Variants in ANO2 observed in about 807,000 individuals in gnomAD.
The protein encoded by ANO2 is anoctamin 2.
In ANO2, 101 loss-of-function variants were observed where a neutral mutation model predicts 124.2. That is an observed-to-expected ratio of 0.81 (90% CI 0.69 to 0.96). The LOEUF (loss-of-function observed/expected upper bound fraction) is 0.96. Ranked by LOEUF, ANO2 falls within the 40% of genes least tolerant of loss-of-function variation. The probability of loss-of-function intolerance (pLI) is 0.00; values close to 1 mark genes in which losing one functional copy is unlikely to be tolerated. For synonymous variants in ANO2, 486 were observed against 482.5 expected, an observed-to-expected ratio of 1.01 and a Z score of -0.09; for missense variants, 1,293 against 1,274.5, an observed-to-expected ratio of 1.01 and a Z score of -0.22.
At chr12:5,570,339 G>A (rs1942031138) in intron 23 of ANO2, among the ~76,000 whole-genome samples, 1 of 152,152 alleles carries the variant, frequency 6.6e-6, no homozygotes, top group Non-Finnish European at 1.5e-5. Context: ...CTGTTGGAAG[G>A]ATGCCTGGGG....
At chr12:5,796,036 G>C (rs1471210191) in intron 10 of ANO2, among the ~76,000 whole-genome samples, 1 of 152,094 alleles carries the variant, frequency 6.6e-6, no homozygotes, top group Admixed American at 6.5e-5. Flanking sequence ...CTGCTGGCTG[G>C]AAGTGCCCAG....
chr12:5,931,415 G>C (rs1942376239), intron 1 of ANO2, among the ~76,000 whole-genome samples: 1 of 151,988 alleles, frequency 6.6e-6, no homozygotes, highest in African/African-American at 2.4e-5. Context: ...ATAAAACATT[G>C]GGAATTAAAG....
At chr12:5,822,525 C>T (rs935770340) in intron 7 of ANO2, among the ~76,000 whole-genome samples, 1 of 152,230 alleles carries the variant, frequency 6.6e-6, no homozygotes, top group Non-Finnish European at 1.5e-5. Context: ...TGGACTTCCA[C>T]TCACCAAGGC....
chr12:5,886,819 TAAGTG>T (rs1401954112), intron 3 of ANO2, among the ~76,000 whole-genome samples: 1 of 152,208 alleles, frequency 6.6e-6, no homozygotes, highest in African/African-American at 2.4e-5. Flanking sequence ...GACATTATGT[TAAGTG>T]AAATAAAAGG....
chr12:5,840,320 T>C (rs762334705), intron 4 of ANO2, among the ~76,000 whole-genome samples: 7 of 152,242 alleles, frequency 4.6e-5, no homozygotes, highest in Non-Finnish European at 8.8e-5. Flanking sequence ...AGGGGTTTAC[T>C]GTCTTTTCTT....
At chr12:5,840,231 T>G (rs77734959) in intron 4 of ANO2, among the ~76,000 whole-genome samples, 346 of 152,278 alleles carry the variant, frequency 2.3e-3, no homozygotes, top group African/African-American at 8.1e-3. Context: ...ATTTTTAAAA[T>G]ATGTTGCTGT....
At chr12:5,570,273 T>C (rs933416707) in intron 23 of ANO2, among the ~76,000 whole-genome samples, 1 of 152,182 alleles carries the variant, frequency 6.6e-6, no homozygotes, top group Admixed American at 6.5e-5. Context: ...GTTAATACTA[T>C]GTTAATGCAT....
At chr12:5,587,559 G>C (rs1368065103) in intron 20 of ANO2, among the ~76,000 whole-genome samples, 3 of 152,188 alleles carry the variant, frequency 2.0e-5, no homozygotes, top group Non-Finnish European at 4.4e-5. Context: ...CCCCATTTTG[G>C]GGTAGGGGAC....
intron 1 of ANO2, among the ~76,000 whole-genome samples, chr12:5,930,405 G>A (rs904209446): frequency 1.3e-5 from 2 of 152,128 alleles, no homozygotes; most frequent in African/African-American, 4.8e-5. Context: ...GGGTATAGGG[G>A]GAAGGCCAGC....
chr12:5,795,685 T>C (rs1952823746), intron 10 of ANO2, among the ~76,000 whole-genome samples: 1 of 152,218 alleles, frequency 6.6e-6, no homozygotes, highest in African/African-American at 2.4e-5. Context: ...TAAGACCTAT[T>C]GTTTTGTCTC....
chr12:5,680,911 C>G (rs192471058), intron 14 of ANO2, among the ~76,000 whole-genome samples: 1 of 152,242 alleles, frequency 6.6e-6, no homozygotes, highest in East Asian at 1.9e-4. Flanking sequence ...CAAGGTTAAT[C>G]TTTTATAAGA....
chr12:5,817,413 G>A (rs1307053348), intron 7 of ANO2, among the ~76,000 whole-genome samples: 2 of 152,174 alleles, frequency 1.3e-5, no homozygotes, highest in South Asian at 2.1e-4. Flanking sequence ...TGTGAGACAC[G>A]CAGTGAGGTG....
At chr12:5,812,389 AG>A (rs1953427112) in intron 7 of ANO2, among the ~76,000 whole-genome samples, 1 of 138,426 alleles carries the variant, frequency 7.2e-6, no homozygotes, top group African/African-American at 2.7e-5. Flanking sequence ...GAAAGAAAGA[AG>A]GGAAGGAAGG....
At chr12:5,615,496 A>AT (rs1004310367) in intron 16 of ANO2, among the ~76,000 whole-genome samples, 199 bp from the exon 17 acceptor site, 1 of 152,150 alleles carries the variant, frequency 6.6e-6, no homozygotes, top group Non-Finnish European at 1.5e-5. Context: ...TTACAGAAGG[A>AT]TAAAAAATAT....
intron 3 of ANO2, among the ~76,000 whole-genome samples, chr12:5,875,245 C>T (rs566102564): frequency 6.6e-6 from 1 of 152,172 alleles, no homozygotes; most frequent in Non-Finnish European, 1.5e-5. Flanking sequence ...ACCTGTTTCA[C>T]GTCTCACAAC....
At chr12:5,759,549 C>A (rs117860711) in intron 10 of ANO2, among the ~76,000 whole-genome samples, 2,921 of 150,728 alleles carry the variant, frequency 0.019, 44 homozygotes, top group Middle Eastern at 0.031. Flanking sequence ...CCTATCAGAT[C>A]AGCAGCAGCA....
Position 5,612,742 on chromosome 12 carries a change from G to A in ANO2, c.2001C>T (p.Gly667=), listed in dbSNP as rs766179278. The A allele has an allele frequency of 6.2e-7, 1 of 1,613,824 alleles. No individual in the cohort carries two copies. Among genetic ancestry groups the A allele is most frequent in the Non-Finnish European group, 8.5e-7 (1 of 1,179,834 alleles). The change falls in exon 19 of 25, where the codon GGC becomes GGT. Residue 667 remains glycine (G), a synonymous_variant. Transcript: ENST00000682330. ...GYRMEECAPG[G]CLMELCIQLS... ...GCTGAATGCAGAGCTCCATGAGACA[G>A]CCCCCTGGAGCACACTGCAGGGAGA...
chr12:5,903,675 G>A lies in ANO2; in HGVS notation c.534+17365C>T, dbSNP rs187863599. On this transcript the variant is annotated intron_variant, in intron 3 of 24. Coordinates refer to ENST00000682330, the MANE Select transcript of ANO2 (RefSeq NM_001364791.2). ...TGTGTGTGTGTGTGTGTGTGTGTGT[G>A]TGGGTGTAGACAGCAAGGTCTGTGC... 1.6e-3 allele frequency among the ~76,000 whole-genome samples: 245 copies of A among 151,060 alleles called. 1 individual carries two copies. The highest frequency in any genetic ancestry group is 5.8e-3 in the African/African-American group (235 of 40,618).
intron 14 of ANO2, among the ~76,000 whole-genome samples, chr12:5,664,667 T>C (rs1181606546): frequency 1.3e-5 from 2 of 152,236 alleles, no homozygotes; most frequent in African/African-American, 4.8e-5. Flanking sequence ...TAATCTCTTC[T>C]GAATTCCCCA....
Sources: gnomAD v4.1 joint callset for allele counts (sites outside exome capture counted in the v4.1 genomes callset) on GRCh38, gnomAD v4.1.1 for gene constraint, MANE v1.5 for transcripts, NCBI Gene and HGNC (gene_info 2026-07-23, HGNC 2026-07-21) for gene names.